Variants in SYT1 observed in about 807,000 individuals in gnomAD.
The protein encoded by SYT1 is synaptotagmin-1.
SYT1 carries 8 observed loss-of-function variants against 44.8 expected under a neutral mutation model. That is an observed-to-expected ratio of 0.18 (90% CI 0.10 to 0.32). SYT1 has a LOEUF of 0.32. Among genes scored for constraint, SYT1 ranks in the 10% least tolerant of loss-of-function variants. SYT1 has a pLI of 1.00. For missense variants in SYT1, 286 were observed against 509.3 expected (o/e 0.56, Z 4.22); for synonymous variants, 154 against 188.8 (o/e 0.82, Z 1.51).
chr12:79,122,871 C>G (rs1402608478), intron 3 of SYT1, among the ~76,000 whole-genome samples: 2 of 152,272 alleles, frequency 1.3e-5, no homozygotes, highest in Non-Finnish European at 2.9e-5. Context: ...AACTGTTCAT[C>G]CAACTTGCTC....
At chr12:79,106,549 C>G (rs1490886222) in intron 3 of SYT1, among the ~76,000 whole-genome samples, 1 of 147,288 alleles carries the variant, frequency 6.8e-6, no homozygotes, top group Admixed American at 6.8e-5. Flanking sequence ...AATTCCTGAA[C>G]TCTGTGTGTT....
intron 3 of SYT1, among the ~76,000 whole-genome samples, chr12:79,064,511 A>G (rs73148254): frequency 0.11 from 16,981 of 152,124 alleles, 1,260 homozygotes; most frequent in Non-Finnish European, 0.17. Flanking sequence ...TTACTAAAAT[A>G]TTTCCACTTT....
At chr12:79,133,670 A>G (rs1246020294) in intron 3 of SYT1, among the ~76,000 whole-genome samples, 1 of 152,226 alleles carries the variant, frequency 6.6e-6, no homozygotes, top group African/African-American at 2.4e-5. Context: ...AAAAGACAAT[A>G]TGGAAGAAAA....
chr12:79,407,434 C>A (rs964254355), intron 9 of SYT1, among the ~76,000 whole-genome samples: 1 of 152,106 alleles, frequency 6.6e-6, no homozygotes, highest in Non-Finnish European at 1.5e-5. Flanking sequence ...CCCACCACAA[C>A]TGAGTGATCT....
At chr12:79,398,587 G>A (rs938695217) in intron 9 of SYT1, among the ~76,000 whole-genome samples, 5 of 152,034 alleles carry the variant, frequency 3.3e-5, no homozygotes, top group African/African-American at 1.2e-4. Flanking sequence ...GACTCTAGAA[G>A]TCAAGAATAA....
intron 3 of SYT1, among the ~76,000 whole-genome samples, chr12:79,105,338 A>G (rs1443806485): frequency 2.0e-5 from 3 of 152,202 alleles, no homozygotes; most frequent in Non-Finnish European, 4.4e-5. Flanking sequence ...CAAAGTAACC[A>G]TTCTAGAGTA....
At chr12:78,976,427 T>TCGG (rs1238943019) in intron 1 of SYT1, among the ~76,000 whole-genome samples, 4 of 152,210 alleles carry the variant, frequency 2.6e-5, no homozygotes, top group African/African-American at 7.2e-5. Context: ...ACTAAGGACT[T>TCGG]ACGTTTTCCC....
intron 3 of SYT1, among the ~76,000 whole-genome samples, chr12:79,093,255 G>T (rs919200550): frequency 2.0e-5 from 3 of 151,668 alleles, no homozygotes; most frequent in African/African-American, 7.2e-5. Flanking sequence ...TTTGGAGAAG[G>T]TTGTTAAAAA....
intron 1 of SYT1, among the ~76,000 whole-genome samples, chr12:78,894,855 G>A (rs1448274187): frequency 6.6e-6 from 1 of 151,568 alleles, no homozygotes; most frequent in Non-Finnish European, 1.5e-5. Flanking sequence ...ACATCATGAT[G>A]ACTGTGGTTA....
At chr12:79,364,932 A>T (rs746965094) in intron 9 of SYT1, among the ~76,000 whole-genome samples, 24 of 152,272 alleles carry the variant, frequency 1.6e-4, no homozygotes, top group Middle Eastern at 3.4e-3. Context: ...CTTATTAAGG[A>T]AACAAATGCT....
intron 3 of SYT1, among the ~76,000 whole-genome samples, chr12:79,083,885 G>A (rs528330808): frequency 2.0e-5 from 3 of 152,172 alleles, no homozygotes; most frequent in Admixed American, 6.5e-5. Flanking sequence ...TCATGGAAGT[G>A]GACATCCTTT....
chr12:79,321,326 A>G (rs961362315), intron 8 of SYT1, among the ~76,000 whole-genome samples: 1 of 152,180 alleles, frequency 6.6e-6, no homozygotes, highest in African/African-American at 2.4e-5. Context: ...AATTCCTAGT[A>G]TTGGGAGTTC....
intron 3 of SYT1, among the ~76,000 whole-genome samples, chr12:79,091,280 A>G (rs936760234): frequency 3.3e-5 from 5 of 152,006 alleles, no homozygotes; most frequent in Non-Finnish European, 7.4e-5. Flanking sequence ...AGAAAAACAT[A>G]TATTGGAATA....
chr12:79,012,904 C>T (rs1473905834), intron 2 of SYT1, among the ~76,000 whole-genome samples: 2 of 152,124 alleles, frequency 1.3e-5, no homozygotes, highest in Non-Finnish European at 2.9e-5. Context: ...CCCCAGCCCA[C>T]CTCCAGATGC....
At chr12:79,030,937 T>C (rs920869928) in intron 2 of SYT1, among the ~76,000 whole-genome samples, 1 of 151,008 alleles carries the variant, frequency 6.6e-6, no homozygotes, top group Non-Finnish European at 1.5e-5. Context: ...ATGTCTCCAG[T>C]AGAGTTATAG....
intron 9 of SYT1, among the ~76,000 whole-genome samples, chr12:79,417,642 G>A (rs1345460905): frequency 6.6e-6 from 1 of 152,056 alleles, no homozygotes; most frequent in African/African-American, 2.4e-5. Context: ...GCCCTTTCAT[G>A]ACAAGGTCCA....
In SYT1 at chr12:79,058,857, C is replaced by A. The variant is rs76949530; in HGVS notation, c.-18+11495C>A. On this transcript the variant is annotated intron_variant, in intron 3 of 10. Coordinates refer to ENST00000261205, the MANE Select transcript of SYT1 (RefSeq NM_005639.3). ...GTGATACATTTTCTTCAATACTATA[C>A]TTAGGAGCCTATAGTTTCTTTATTT... Among the ~76,000 whole-genome samples, 491 of 152,130 alleles carry A rather than the reference C, an allele frequency of 3.2e-3. 3 individuals carry two copies. Among genetic ancestry groups the A allele is most frequent in the African/African-American group, 0.011 (443 of 41,534 alleles).
intron 1 of SYT1, among the ~76,000 whole-genome samples, chr12:78,918,122 A>G (rs1781336703): frequency 9.2e-5 from 14 of 152,100 alleles, no homozygotes; most frequent in Admixed American, 9.2e-4. Context: ...GAAAAGGTTA[A>G]ACTTTTTCAG....
intron 3 of SYT1, among the ~76,000 whole-genome samples, chr12:79,134,760 G>A (rs934523445): frequency 6.6e-6 from 1 of 151,944 alleles, no homozygotes; most frequent in East Asian, 1.9e-4. Flanking sequence ...CTAACACAGG[G>A]CTGGGCATTA....
Sources: allele counts gnomAD v4.1 joint callset (sites outside exome capture counted in the v4.1 genomes callset), GRCh38; gene constraint gnomAD v4.1.1; transcripts MANE v1.5; gene names NCBI Gene and HGNC (gene_info 2026-07-23, HGNC 2026-07-21).